The following PDE4D variants were observed in gnomAD, a reference collection of about 807,000 sequenced individuals.
The protein encoded by PDE4D is 3',5'-cyclic-AMP phosphodiesterase 4D.
A neutral mutation model predicts 87.4 loss-of-function variants in PDE4D; 24 were observed. The ratio of observed to expected loss-of-function variants is 0.27; its 90% CI spans 0.20 to 0.39. The LOEUF is 0.39. Among genes scored for constraint, PDE4D ranks in the 10% least tolerant of loss-of-function variants. PDE4D has a pLI of 1.00. For missense variants in PDE4D, 714 were observed against 1,041.0 expected (o/e 0.69, Z 4.32); for synonymous variants, 384 against 383.2 (o/e 1.00, Z -0.02).
intron 2 of PDE4D, among the ~76,000 whole-genome samples, chr5:60,016,353 G>A (rs146100217): frequency 6.6e-6 from 1 of 152,144 alleles, no homozygotes; most frequent in Non-Finnish European, 1.5e-5. Flanking sequence ...TGCTGACAGA[G>A]GGTCTTGCCT....
At chr5:59,298,682 T>C (rs1769584253) in intron 1 of PDE4D, among the ~76,000 whole-genome samples, 1 of 152,186 alleles carries the variant, frequency 6.6e-6, no homozygotes, top group Admixed American at 6.5e-5. Flanking sequence ...TAAGAAACAT[T>C]TTCTATGGAT....
intron 1 of PDE4D, among the ~76,000 whole-genome samples, chr5:59,584,574 T>C (rs1310144291): frequency 2.6e-5 from 4 of 152,216 alleles, no homozygotes; most frequent in Non-Finnish European, 5.9e-5. Context: ...CAAATTTGCA[T>C]TCTTTCCAAA....
At position 60,019,773 on chromosome 5, in the gene PDE4D, T is replaced by C. The variant is rs78009374; in HGVS notation, c.43-31056A>G. Among the ~76,000 whole-genome samples the C allele has an allele frequency of 2.1e-3, 325 of 152,312 alleles. 8 individuals carry two copies. The East Asian group carries it at 0.045, about 21-fold the overall frequency. On this transcript the variant is annotated intron_variant, in intron 2 of 16. Transcript: ENST00000502484. ...CCTTCTGTCCAGACCACTAAAACTT[T>C]CTCTATATGAGCAAGAAGGCTATTC...
At chr5:59,434,702 T>C (rs1435393367) in intron 1 of PDE4D, among the ~76,000 whole-genome samples, 2 of 152,108 alleles carry the variant, frequency 1.3e-5, no homozygotes, top group Non-Finnish European at 2.9e-5. Flanking sequence ...AAATCAACTG[T>C]GTTCCTCCCC....
At chr5:59,315,808 C>A (rs1044991396) in intron 1 of PDE4D, among the ~76,000 whole-genome samples, 1 of 152,102 alleles carries the variant, frequency 6.6e-6, no homozygotes, top group African/African-American at 2.4e-5. Flanking sequence ...CTACAACCAC[C>A]AAATGGCGCA....
chr5:59,888,084 T>A lies in PDE4D; in HGVS notation c.455+5084A>T, dbSNP rs529345388. Among the ~76,000 whole-genome samples, 4 of 152,340 alleles carry A rather than the reference T, an allele frequency of 2.6e-5. 1 individual carries two copies. The highest frequency in any genetic ancestry group is 9.6e-5 in the African/African-American group (4 of 41,578). ...ATGGACAGTGGTGGACTAGGTTAGTTTAAGCCTCAGTCCCTTCTCTTCTCG... is the reference window on the plus strand; with the variant it reads ...ATGGACAGTGGTGGACTAGGTTAGTATAAGCCTCAGTCCCTTCTCTTCTCG... On this transcript the variant is annotated intron_variant, in intron 1 of 14. Transcript: ENST00000340635.
chr5:59,444,168 ATACT>A (rs1324931190), intron 1 of PDE4D, among the ~76,000 whole-genome samples: 1 of 152,214 alleles, frequency 6.6e-6, no homozygotes, highest in Non-Finnish European at 1.5e-5. Flanking sequence ...TGGGCTATTC[ATACT>A]TACAGCATAG....
At chr5:59,509,858 T>A (rs1809971160) in intron 1 of PDE4D, among the ~76,000 whole-genome samples, 1 of 147,504 alleles carries the variant, frequency 6.8e-6, no homozygotes, top group African/African-American at 2.4e-5. Flanking sequence ...TTATATTAAG[T>A]TATAAATATA....
At chr5:59,756,766 A>T (rs1022325493) in intron 1 of PDE4D, among the ~76,000 whole-genome samples, 10 of 151,546 alleles carry the variant, frequency 6.6e-5, no homozygotes, top group Admixed American at 5.9e-4. Flanking sequence ...TGGCACTTGT[A>T]CCTTCACAGT....
chr5:59,033,064 A>G (rs2153386586), intron 6 of PDE4D, among the ~76,000 whole-genome samples: 1 of 152,346 alleles, frequency 6.6e-6, no homozygotes, highest in African/African-American at 2.4e-5. Flanking sequence ...CATACAAAGT[A>G]TAACAAAACA....
At chr5:60,406,635 G>A (rs1320106525) in intron 1 of PDE4D, among the ~76,000 whole-genome samples, 1 of 152,062 alleles carries the variant, frequency 6.6e-6, no homozygotes, top group African/African-American at 2.4e-5. Flanking sequence ...TGATTATTGT[G>A]TAGGAGTTTA....
At chr5:59,524,264 C>T (rs1019156773) in intron 1 of PDE4D, among the ~76,000 whole-genome samples, 2 of 152,164 alleles carry the variant, frequency 1.3e-5, no homozygotes, top group African/African-American at 4.8e-5. Context: ...TTTGGGACGT[C>T]TGAGAAACTT....
chr5:60,320,288 G>A (rs753607230), intron 1 of PDE4D, among the ~76,000 whole-genome samples: 23 of 152,230 alleles, frequency 1.5e-4, no homozygotes, highest in Non-Finnish European at 2.9e-4. Context: ...AGCCATGCAC[G>A]GGATATAATC....
intron 1 of PDE4D, among the ~76,000 whole-genome samples, chr5:60,353,219 T>G (rs1441996363): frequency 6.6e-6 from 1 of 152,100 alleles, no homozygotes; most frequent in Non-Finnish European, 1.5e-5. Context: ...TTGCCACAGT[T>G]AGAAAGCAAA....
chr5:59,704,447 T>A (rs1055713655), intron 1 of PDE4D, among the ~76,000 whole-genome samples: 6 of 152,232 alleles, frequency 3.9e-5, no homozygotes, highest in Non-Finnish European at 7.3e-5. Context: ...CAGATTTCTG[T>A]ATCAGGGGAC....
chr5:59,149,711 T>TTG (rs201563519), intron 5 of PDE4D, among the ~76,000 whole-genome samples: 8 of 137,170 alleles, frequency 5.8e-5, no homozygotes, highest in Middle Eastern at 4.0e-3. Flanking sequence ...CTCGAGTTTT[T>TTG]TTTTTTTTTT....
chr5:59,216,097 C>A, intron 1 of PDE4D, 129 bp from the exon 2 acceptor site: 2 of 639,202 alleles, frequency 3.1e-6, no homozygotes, highest in Non-Finnish European at 2.7e-6. Context: ...CTAATTTCTG[C>A]CATAAAAATA....
At chr5:60,197,449 A>G (rs999260214) in intron 1 of PDE4D, among the ~76,000 whole-genome samples, 3 of 151,646 alleles carry the variant, frequency 2.0e-5, no homozygotes, top group Non-Finnish European at 4.4e-5. Context: ...TTTAAGACCT[A>G]ATAATACTCT....
At chr5:59,156,303 T>C (rs188038937) in intron 5 of PDE4D, among the ~76,000 whole-genome samples, 3 of 64,194 alleles carry the variant, frequency 4.7e-5, no homozygotes, top group African/African-American at 1.4e-4. Flanking sequence ...AACTAGAGAC[T>C]TGCCAGAAAA....
Sources: allele counts gnomAD v4.1 joint callset (sites outside exome capture counted in the v4.1 genomes callset), GRCh38; gene constraint gnomAD v4.1.1; transcripts MANE v1.5; gene names NCBI Gene and HGNC (gene_info 2026-07-23, HGNC 2026-07-21).